The following NFATC2 variants were observed in gnomAD, a reference collection of about 807,000 sequenced individuals.
NFATC2 encodes nuclear factor of activated T-cells, cytoplasmic 2.
Under a neutral mutation model 87.3 loss-of-function variants are expected in NFATC2, and 22 were observed. That is an observed-to-expected ratio of 0.25 (90% confidence interval 0.18 to 0.36). The LOEUF (loss-of-function observed/expected upper bound fraction) is 0.36, where lower values mean the gene tolerates loss of function less well. Ranked by LOEUF, NFATC2 falls within the 10% of genes least tolerant of loss-of-function variation. The pLI, the probability that NFATC2 is intolerant of heterozygous loss-of-function variation, is 1.00. For missense variants in NFATC2, 1,149 were observed against 1,259.1 expected, an observed-to-expected ratio of 0.91 and a Z score of 1.32; for synonymous variants, 565 against 542.2, an observed-to-expected ratio of 1.04 and a Z score of -0.58.
intron 9 of NFATC2, among the ~76,000 whole-genome samples, chr20:51,414,736 G>C (rs1350444456): frequency 6.6e-6 from 1 of 151,866 alleles, no homozygotes; most frequent in Non-Finnish European, 1.5e-5. Context: ...CCAGGCGGTG[G>C]TTAAGGCATG....
chr20:51,541,086 G>A (rs1185941974), intron 1 of NFATC2, among the ~76,000 whole-genome samples: 2 of 152,128 alleles, frequency 1.3e-5, no homozygotes, highest in Non-Finnish European at 1.5e-5. Flanking sequence ...TCCAAGGGAA[G>A]AGGATACCCA....
chr20:51,432,902 G>T lies in NFATC2; in HGVS notation c.2033-146C>A. ...CTGGTCCCTGTCACTTATCAGCCTT[G>T]GGCAAAAGGCTCCCCATGCAATTGT... is the stretch of plus-strand genomic sequence containing the variant. On this transcript the variant is annotated intron_variant, in intron 8 of 10. Transcript: ENST00000371564. The surrounding 1 kb of genome is among the most constrained non-coding windows in gnomAD (Gnocchi z 4.6). 1 of 632,396 alleles carries T rather than the reference G, an allele frequency of 1.6e-6. No individual in the cohort carries two copies. Among genetic ancestry groups the T allele is most frequent in the Non-Finnish European group, 2.4e-6 (1 of 409,168 alleles). 39.2% of individuals were successfully genotyped at this position (632,396 alleles called of 1,614,324 possible).
At chr20:51,443,172 C>CG (rs1984605117) in intron 6 of NFATC2, among the ~76,000 whole-genome samples, 1 of 151,948 alleles carries the variant, frequency 6.6e-6, no homozygotes, top group Non-Finnish European at 1.5e-5. Context: ...GGGAGACCCC[C>CG]CCTTCATCCT....
chr20:51,411,047 C>A (rs370853276), intron 9 of NFATC2, among the ~76,000 whole-genome samples: 9 of 152,276 alleles, frequency 5.9e-5, no homozygotes, highest in African/African-American at 2.2e-4. Context: ...TGGGTATTTA[C>A]TCTGTGCCAG....
intron 10 of NFATC2, among the ~76,000 whole-genome samples, chr20:51,397,631 A>G (rs1053294583): frequency 6.6e-6 from 1 of 152,102 alleles, no homozygotes; most frequent in African/African-American, 2.4e-5. Flanking sequence ...CCAGGAGCCG[A>G]TTCCTCAGAT....
intron 6 of NFATC2, among the ~76,000 whole-genome samples, chr20:51,447,985 C>A (rs1029311156): frequency 6.6e-6 from 1 of 152,132 alleles, no homozygotes; most frequent in African/African-American, 2.4e-5. Context: ...TAATGCTGCC[C>A]GCTTCTCAGG....
At chr20:51,394,790 C>T (rs955911277) in intron 10 of NFATC2, among the ~76,000 whole-genome samples, 6 of 143,116 alleles carry the variant, frequency 4.2e-5, no homozygotes, top group African/African-American at 1.5e-4. Flanking sequence ...TTTATTCCTC[C>T]AATAATCTAC....
intron 9 of NFATC2, among the ~76,000 whole-genome samples, chr20:51,425,432 C>T (rs770739794): frequency 2.6e-5 from 4 of 152,232 alleles, no homozygotes; most frequent in Non-Finnish European, 4.4e-5. Flanking sequence ...CAGGTGCCCA[C>T]AGCCTCTGGG....
chr20:51,487,549 A>C (rs1989819433), intron 3 of NFATC2, among the ~76,000 whole-genome samples: 1 of 152,206 alleles, frequency 6.6e-6, no homozygotes, highest in Non-Finnish European at 1.5e-5. Flanking sequence ...GCTTTGAAAA[A>C]ATGTTCCACC....
chr20:51,555,331 T>C (rs142529870), intron 1 of NFATC2, among the ~76,000 whole-genome samples: 2,219 of 152,262 alleles, frequency 0.015, 19 homozygotes, highest in Non-Finnish European at 0.022. Context: ...CGGTGGCTCA[T>C]GCCTGTAATC....
rs201933635 is a variant in NFATC2 at position 51,398,684 on chromosome 20, G to A, written c.*3C>T. Reference sequence around the variant, plus strand: ...TCGGATCAAAGATCACAGTCATTCTGTTTCATAATATGTTTTGTATCCAGC... The same window carrying A: ...TCGGATCAAAGATCACAGTCATTCTATTTCATAATATGTTTTGTATCCAGC... On this transcript the variant is annotated 3_prime_UTR_variant, in exon 10 of 11. Transcript: ENST00000371564. 1,077 of 1,612,470 alleles carry A rather than the reference G, an allele frequency of 6.7e-4. No homozygotes were observed. Among genetic ancestry groups the A allele is most frequent in the Non-Finnish European group, 8.2e-4 (964 of 1,179,210 alleles).
intron 9 of NFATC2, 42 bp from the exon 10 acceptor site, chr20:51,398,772 A>C: frequency 7.2e-7 from 1 of 1,389,592 alleles, no homozygotes; most frequent in Non-Finnish European, 1.0e-6. Flanking sequence ...AGAAAAAAAA[A>C]AATCACCTTT....
At chr20:51,459,940 T>C (rs1465680350) in intron 5 of NFATC2, among the ~76,000 whole-genome samples, 1 of 152,164 alleles carries the variant, frequency 6.6e-6, no homozygotes, top group Non-Finnish European at 1.5e-5. Flanking sequence ...AGAGTAGTGG[T>C]AGTTGCACAA....
intron 3 of NFATC2, among the ~76,000 whole-genome samples, chr20:51,508,883 C>T (rs2076228398): frequency 6.6e-6 from 1 of 152,122 alleles, no homozygotes; most frequent in Non-Finnish European, 1.5e-5. Flanking sequence ...CTGGCCTGGG[C>T]CTCTGCAGCA....
At chr20:51,424,994 A>G (rs567678088) in intron 9 of NFATC2, among the ~76,000 whole-genome samples, 7 of 152,280 alleles carry the variant, frequency 4.6e-5, no homozygotes, top group Non-Finnish European at 8.8e-5. Context: ...GCTATGGTAC[A>G]TGAACAGACA....
At chr20:51,548,677 G>A (rs533007790) in intron 1 of NFATC2, among the ~76,000 whole-genome samples, 2 of 152,300 alleles carry the variant, frequency 1.3e-5, no homozygotes, top group African/African-American at 4.8e-5. Flanking sequence ...AACCCCAGCT[G>A]TATCCCCAGA....
chr20:51,468,898 C>T (rs1053281843), intron 5 of NFATC2, among the ~76,000 whole-genome samples: 2 of 152,182 alleles, frequency 1.3e-5, no homozygotes, highest in African/African-American at 4.8e-5. Flanking sequence ...GAGGGGTGGG[C>T]TCCAGATATG....
At chr20:51,502,077 T>G (rs2076097809) in intron 3 of NFATC2, among the ~76,000 whole-genome samples, 1 of 152,222 alleles carries the variant, frequency 6.6e-6, no homozygotes, top group Non-Finnish European at 1.5e-5. Context: ...CAGATTAAGT[T>G]GCAGCAGGGC....
chr20:51,392,527 C>T (rs1351977611), intron 10 of NFATC2, among the ~76,000 whole-genome samples: 1 of 152,180 alleles, frequency 6.6e-6, no homozygotes, highest in Non-Finnish European at 1.5e-5. Flanking sequence ...CTATTGGTGA[C>T]AGCCCATCCA....
Sources: allele counts gnomAD v4.1 joint callset (sites outside exome capture counted in the v4.1 genomes callset), GRCh38; gene constraint gnomAD v4.1.1; non-coding constraint Gnocchi (gnomAD v3.1); transcripts MANE v1.5; gene names NCBI Gene and HGNC (gene_info 2026-07-23, HGNC 2026-07-21).